Variants in UGT1A5 observed in about 807,000 individuals in gnomAD.
The protein encoded by UGT1A5 is UDP-glucuronosyltransferase 1A5.
A neutral mutation model predicts 40.3 loss-of-function variants in UGT1A5; 29 were observed. That is an observed-to-expected ratio of 0.72 (90% CI 0.54 to 0.98). The LOEUF is 0.98. UGT1A5 is among the 50% of genes least tolerant of loss of function. The probability of loss-of-function intolerance (pLI) is 0.00; values close to 1 mark genes in which losing one functional copy is unlikely to be tolerated. For missense variants in UGT1A5, 678 were observed against 677.9 expected (o/e 1.00, Z 0.00); for synonymous variants, 257 against 262.5 (o/e 0.98, Z 0.20).
chr2:233,729,226 G>C (rs1226081470), intron 1 of UGT1A5: 2 of 1,614,168 alleles, frequency 1.2e-6, no homozygotes, highest in Admixed American at 3.3e-5. Flanking sequence ...GGTGTTGGTG[G>C]TGCCCATTGA....
In UGT1A5 at chr2:233,712,978, T is replaced by A. The variant is rs2076265993; in HGVS notation, c.-14T>A. The A allele has an allele frequency of 6.2e-7, 1 of 1,613,140 alleles. No homozygotes were observed. The highest frequency in any genetic ancestry group is 1.7e-5 in the Admixed American group (1 of 60,034). Reference sequence around the variant, plus strand: ...CGTGGGGTGGACAGTCAGCTGTCGGTGGCTTCTGCTGAGATGGCCACAGGA... The same window carrying A: ...CGTGGGGTGGACAGTCAGCTGTCGGAGGCTTCTGCTGAGATGGCCACAGGA... On this transcript the variant is annotated 5_prime_UTR_variant, in exon 1 of 5. Coordinates refer to ENST00000373414, the MANE Select transcript of UGT1A5 (RefSeq NM_019078.2).
rs538578052 is a variant in UGT1A5, at chr2:233,763,857, A to AT, written c.868-3177_868-3176insT. Among the ~76,000 whole-genome samples, 77 of 152,298 alleles carry AT rather than the reference A, an allele frequency of 5.1e-4. 2 individuals carry two copies. In the South Asian group the frequency reaches 0.016, roughly 31 times the overall value. ...AGGGTAAGATAGCAGTGGTTCACAGACAATCGCAATGCTGGGTCTGAGAAA... is the reference window on the plus strand; with the variant it reads ...AGGGTAAGATAGCAGTGGTTCACAGATCAATCGCAATGCTGGGTCTGAGAAA... On this transcript the variant is annotated intron_variant, in intron 1 of 4. Coordinates refer to ENST00000373414, the MANE Select transcript of UGT1A5 (RefSeq NM_019078.2).
chr2:233,754,958 A>G (rs750600568), intron 1 of UGT1A5: 19 of 1,315,144 alleles, frequency 1.4e-5, no homozygotes, highest in South Asian at 1.4e-4. Flanking sequence ...CCCGGCCGCC[A>G]AAGAACTCCC....
chr2:233,713,396 G>A lies in UGT1A5; in HGVS notation c.405G>A (p.Glu135=). ...CTTGTGTGGAGCTACTGCATAATGA[G>A]GCCCTGATCAGGCACCTGCATGCTA... The part of the protein sequence containing the change: ...HRSCVELLHN[E]ALIRHLHATS... The change falls in exon 1 of 5, where the codon GAG becomes GAA. Residue 135 remains glutamate, a synonymous_variant. Transcript: ENST00000373414. 1 of 1,614,032 alleles carries A rather than the reference G, an allele frequency of 6.2e-7. No individual in the cohort carries two copies. Among genetic ancestry groups the A allele is most frequent in the Non-Finnish European group, 8.5e-7 (1 of 1,180,006 alleles).
At chr2:233,724,729 A>G (rs1205720342) in intron 1 of UGT1A5, among the ~76,000 whole-genome samples, 1 of 143,524 alleles carries the variant, frequency 7.0e-6, no homozygotes, top group Non-Finnish European at 1.5e-5. Flanking sequence ...GCAGCCAGGC[A>G]GAGGGGCTCC....
At chr2:233,747,348 G>A (rs1230445654) in intron 1 of UGT1A5, 17 of 1,603,310 alleles carry the variant, frequency 1.1e-5, no homozygotes, top group African/African-American at 4.0e-5. Context: ...TCGCATGCGG[G>A]AGGCCGTGCG....
chr2:233,743,431 C>A lies in UGT1A5; in HGVS notation c.868-23603C>A, dbSNP rs755334550. 6 of 1,354,320 alleles carry A rather than the reference C, an allele frequency of 4.4e-6. No homozygotes were observed. In the East Asian group the frequency reaches 1.9e-4, roughly 42 times the overall value. The allele number at this position is 1,354,320 out of a possible 1,614,324, so 83.9% of individuals were successfully genotyped here. A position where few individuals can be genotyped will look rare whatever the true frequency, so the allele number is the denominator to read the frequency against. ...CCCACTTCCCAGGGAGCCAAAGGAA[C>A]GAAATCCTGTATCAAAAGAAGAAAA... On this transcript the variant is annotated intron_variant, in intron 1 of 4. Transcript: ENST00000373414.
At chr2:233,764,281 G>A (rs537961109) in intron 1 of UGT1A5, among the ~76,000 whole-genome samples, 5 of 152,204 alleles carry the variant, frequency 3.3e-5, no homozygotes, top group South Asian at 2.1e-4. Context: ...TGGTCATTCC[G>A]GTAACTGTGA....
At chr2:233,729,385 G>C (rs1328190991) in intron 1 of UGT1A5, 1 of 1,613,836 alleles carries the variant, frequency 6.2e-7, no homozygotes, top group Admixed American at 1.7e-5. Flanking sequence ...GTGGACCCAG[G>C]ATGAATTTGA....
At chr2:233,715,117 C>G (rs761696686) in intron 1 of UGT1A5, among the ~76,000 whole-genome samples, 1 of 152,142 alleles carries the variant, frequency 6.6e-6, no homozygotes, top group Non-Finnish European at 1.5e-5. Flanking sequence ...AATGCCTGAT[C>G]TCAAGTGATT....
At chr2:233,727,764 G>A (rs117456176) in intron 1 of UGT1A5, among the ~76,000 whole-genome samples, 2 of 152,186 alleles carry the variant, frequency 1.3e-5, no homozygotes, top group South Asian at 4.1e-4. Context: ...CTTGAGCTGG[G>A]TGTCCCCCAG....
At chr2:233,729,547 C>T in intron 1 of UGT1A5, 2 of 1,614,168 alleles carry the variant, frequency 1.2e-6, no homozygotes, top group Non-Finnish European at 1.7e-6. Context: ...GATCAGGCAC[C>T]TGAATGCTAC....
intron 4 of UGT1A5, chr2:233,771,560 G>A (rs1700329109): frequency 6.6e-6 from 1 of 152,164 alleles, no homozygotes; most frequent in South Asian, 2.1e-4. Flanking sequence ...TGTTAATTTG[G>A]CCAGAGGTGG....
intron 1 of UGT1A5, among the ~76,000 whole-genome samples, chr2:233,714,963 A>T (rs1575508656): frequency 6.6e-6 from 1 of 151,772 alleles, no homozygotes; most frequent in South Asian, 2.1e-4. Context: ...TGCAACCTCC[A>T]CCTCCCAGGT....
chr2:233,772,462 T>C lies in UGT1A5; in HGVS notation c.1508T>C (p.Val503Ala), dbSNP rs752117935. The C allele has an allele frequency of 6.2e-7, 1 of 1,614,170 alleles. No homozygotes were observed. Among genetic ancestry groups the C allele is most frequent in the South Asian group, 1.1e-5 (1 of 91,082 alleles). ...TTCCTCTTGGCCGTCGTGCTGACAG[T>C]GGCCTTCATCACCTTTAAATGTTGT... is the stretch of plus-strand genomic sequence containing the variant. ...IGFLLAVVLTVAFITFKCCAY... is the reference protein window; with the variant it reads ...IGFLLAVVLTAAFITFKCCAY... Residue 503 changes from valine to alanine, a missense_variant, in exon 5 of 5, where the codon GTG becomes GCG. Physicochemically the swap from Val to Ala is moderately conservative, Grantham distance 64. Transcript: ENST00000373414.
rs1697459307 is a variant in UGT1A5, at chr2:233,760,471, C to T, written c.868-6563C>T. The T allele has an allele frequency of 7.4e-6, 12 of 1,614,210 alleles. No individual in the cohort carries two copies. The highest frequency in any genetic ancestry group is 1.0e-5 in the Non-Finnish European group (12 of 1,180,040). ...GGGACATGAAATAGTTGTCCTAGCA[C>T]CTGACGCCTCGTTGTACATCAGAGA... On this transcript the variant is annotated intron_variant, in intron 1 of 4. Coordinates refer to ENST00000373414, the MANE Select transcript of UGT1A5 (RefSeq NM_019078.2).
chr2:233,729,561 C>A (rs760200392), intron 1 of UGT1A5: 3 of 1,614,102 alleles, frequency 1.9e-6, no homozygotes, highest in Non-Finnish European at 2.5e-6. Flanking sequence ...ATGCTACTTC[C>A]TTTGATGTGG....
intron 1 of UGT1A5, among the ~76,000 whole-genome samples, chr2:233,716,657 G>A (rs533610876): frequency 4.6e-5 from 7 of 152,220 alleles, no homozygotes; most frequent in Non-Finnish European, 7.4e-5. Flanking sequence ...TGTACCCTAA[G>A]GAAGCTTTGT....
At chr2:233,745,046 G>GT (rs1692997137) in intron 1 of UGT1A5, among the ~76,000 whole-genome samples, 1 of 151,780 alleles carries the variant, frequency 6.6e-6, no homozygotes, top group Admixed American at 6.6e-5. Flanking sequence ...TACAGTATTG[G>GT]TTTTTTATTT....
Sources: gnomAD v4.1 joint callset for allele counts (sites outside exome capture counted in the v4.1 genomes callset) on GRCh38, gnomAD v4.1.1 for gene constraint, MANE v1.5 for transcripts, NCBI Gene and HGNC (gene_info 2026-07-23, HGNC 2026-07-21) for gene names.